SPIDR: variants seen among roughly 807,000 people sequenced by gnomAD.
SPIDR encodes DNA repair-scaffolding protein.
A neutral mutation model predicts 104.6 loss-of-function variants in SPIDR; 93 were observed. The ratio of observed to expected loss-of-function variants is 0.89; its 90% CI spans 0.75 to 1.06. The LOEUF (loss-of-function observed/expected upper bound fraction) is 1.06. Ranked by LOEUF, SPIDR falls within the 50% of genes least tolerant of loss-of-function variation. The probability of loss-of-function intolerance (pLI) is 0.00; values close to 1 mark genes in which losing one functional copy is unlikely to be tolerated. For missense variants in SPIDR, 1,154 were observed against 1,111.2 expected, an observed-to-expected ratio of 1.04 and a Z score of -0.55; for synonymous variants, 431 against 416.9, an observed-to-expected ratio of 1.03 and a Z score of -0.41.
intron 8 of SPIDR, among the ~76,000 whole-genome samples, chr8:47,466,926 T>A (rs1248237634): frequency 7.2e-6 from 1 of 138,548 alleles, no homozygotes; most frequent in Non-Finnish European, 1.5e-5. Flanking sequence ...GATAGATAGA[T>A]AGATAGATAG....
chr8:47,297,499 C>T (rs1284377455), intron 5 of SPIDR, among the ~76,000 whole-genome samples: 2 of 151,948 alleles, frequency 1.3e-5, no homozygotes, highest in Non-Finnish European at 2.9e-5. Flanking sequence ...GGTACATGTG[C>T]AAAACGTGCA....
chr8:47,352,553 T>C (rs1318779001), intron 5 of SPIDR, among the ~76,000 whole-genome samples: 2 of 152,134 alleles, frequency 1.3e-5, no homozygotes, highest in African/African-American at 4.8e-5. Flanking sequence ...TCTGCCAGCG[T>C]AGACTGCTAA....
At chr8:47,298,970 G>T (rs1300713670) in intron 5 of SPIDR, among the ~76,000 whole-genome samples, 3 of 152,162 alleles carry the variant, frequency 2.0e-5, no homozygotes, top group South Asian at 2.1e-4. Flanking sequence ...CTTTAAAGTA[G>T]TTTTTTCCAA....
intron 8 of SPIDR, among the ~76,000 whole-genome samples, chr8:47,565,590 T>C (rs2057684785): frequency 6.6e-6 from 1 of 152,066 alleles, no homozygotes; most frequent in South Asian, 2.1e-4. Flanking sequence ...ATCCCACTAT[T>C]ATATTTAATA....
intron 7 of SPIDR, among the ~76,000 whole-genome samples, chr8:47,435,721 C>T (rs2068186688): frequency 6.6e-6 from 1 of 152,222 alleles, no homozygotes; most frequent in African/African-American, 2.4e-5. Flanking sequence ...CCAGCCACAG[C>T]AATAGGCCTC....
chr8:47,457,747 A>G (rs1164843488), intron 8 of SPIDR, among the ~76,000 whole-genome samples: 1 of 152,142 alleles, frequency 6.6e-6, no homozygotes, highest in Admixed American at 6.5e-5. Flanking sequence ...TCCTTGATCC[A>G]TCTTGAGTTG....
intron 10 of SPIDR, among the ~76,000 whole-genome samples, chr8:47,669,732 T>C (rs1000971049): frequency 2.0e-5 from 3 of 152,188 alleles, no homozygotes; most frequent in African/African-American, 7.2e-5. Context: ...CCGGGCACAG[T>C]GACTCACGCC....
intron 8 of SPIDR, among the ~76,000 whole-genome samples, chr8:47,480,309 A>C (rs2076757774): frequency 6.6e-6 from 1 of 152,212 alleles, no homozygotes; most frequent in South Asian, 2.1e-4. Context: ...TACAGTGTTC[A>C]TGGAATTGTT....
intron 14 of SPIDR, among the ~76,000 whole-genome samples, chr8:47,705,951 G>A (rs1309128898): frequency 2.0e-5 from 3 of 151,286 alleles, no homozygotes; most frequent in Non-Finnish European, 2.9e-5. Context: ...TAATGACTAA[G>A]TCATGAAGGT....
At chr8:47,451,694 A>C (rs550987701) in intron 8 of SPIDR, among the ~76,000 whole-genome samples, 1 of 152,302 alleles carries the variant, frequency 6.6e-6, no homozygotes, top group Admixed American at 6.5e-5. Flanking sequence ...CTTCTGTCTG[A>C]GAAGCAGAAT....
chr8:47,620,778 C>T lies in SPIDR; in HGVS notation c.1544+21582C>T, dbSNP rs933772425. ...GACTACAGGCACACATCACCACGCC[C>T]GGCTAATTTTTTGTATTTTAGTAGA... On this transcript the variant is annotated intron_variant, in intron 10 of 19. Coordinates refer to ENST00000297423, the MANE Select transcript of SPIDR (RefSeq NM_001080394.4). Among the ~76,000 whole-genome samples the T allele has an allele frequency of 3.4e-5, 5 of 146,324 alleles. No homozygotes were observed. The East Asian group carries it at 6.2e-4, about 18-fold the overall frequency.
At chr8:47,413,088 G>A (rs891131033) in intron 7 of SPIDR, among the ~76,000 whole-genome samples, 1 of 152,218 alleles carries the variant, frequency 6.6e-6, no homozygotes. Context: ...TGAGTTCTTA[G>A]TTACAACATT....
intron 7 of SPIDR, among the ~76,000 whole-genome samples, chr8:47,428,832 T>A (rs1554687014): frequency 6.6e-6 from 1 of 152,228 alleles, no homozygotes; most frequent in African/African-American, 2.4e-5. Context: ...GTTTTGCTTC[T>A]GTTCCTTTTC....
chr8:47,669,396 G>C (rs2075483843), intron 10 of SPIDR, among the ~76,000 whole-genome samples: 1 of 152,028 alleles, frequency 6.6e-6, no homozygotes, highest in Non-Finnish European at 1.5e-5. Flanking sequence ...CCAGGGGGGT[G>C]ATGACTCCAC....
At chr8:47,700,189 A>C (rs1043162257) in intron 11 of SPIDR, among the ~76,000 whole-genome samples, 1 of 152,068 alleles carries the variant, frequency 6.6e-6, no homozygotes, top group African/African-American at 2.4e-5. Context: ...GATGGATCCT[A>C]ATTTAGTGAG....
chr8:47,713,389 T>G, intron 15 of SPIDR, 100 bp from the exon 16 acceptor site: 8 of 1,533,462 alleles, frequency 5.2e-6, no homozygotes, highest in Non-Finnish European at 7.1e-6. Flanking sequence ...AACTGCACCT[T>G]CACCTGCATG....
intron 8 of SPIDR, among the ~76,000 whole-genome samples, chr8:47,461,978 G>A (rs561738209): frequency 6.6e-6 from 1 of 152,110 alleles, no homozygotes; most frequent in Admixed American, 6.5e-5. Flanking sequence ...TTTGGGGGGT[G>A]TTAAAGCACC....
intron 10 of SPIDR, among the ~76,000 whole-genome samples, chr8:47,627,687 C>G (rs112905353): frequency 0.018 from 2,726 of 152,126 alleles, 52 homozygotes; most frequent in African/African-American, 0.047. Context: ...ATTCCTCCCC[C>G]CTCCCTGGCC....
intron 8 of SPIDR, among the ~76,000 whole-genome samples, chr8:47,491,034 C>T (rs73565271): frequency 0.018 from 2,759 of 152,060 alleles, 86 homozygotes; most frequent in African/African-American, 0.064. Flanking sequence ...ACTTTCTACA[C>T]GTGTCAAAAA....
Sources: gnomAD v4.1 joint callset for allele counts (sites outside exome capture counted in the v4.1 genomes callset) on GRCh38, gnomAD v4.1.1 for gene constraint, MANE v1.5 for transcripts, NCBI Gene and HGNC (gene_info 2026-07-23, HGNC 2026-07-21) for gene names.